Variants in RLN2 observed in about 807,000 individuals in gnomAD.
RLN2 encodes the protein relaxin 2, also known as prorelaxin H2.
In RLN2, 10 loss-of-function variants were observed where a neutral mutation model predicts 7.3. The ratio of observed to expected loss-of-function variants is 1.36; its 90% CI spans 0.84 to 2.31. RLN2 has a LOEUF of 2.31. Among genes scored for constraint, RLN2 ranks in the 30% most tolerant of loss-of-function variants. RLN2 has a pLI of 0.00. For synonymous variants in RLN2, 103 were observed against 82.3 expected, an observed-to-expected ratio of 1.25 and a Z score of -1.36; for missense variants, 298 against 217.6, an observed-to-expected ratio of 1.37 and a Z score of -2.32.
At chr9:5,321,298 C>A in the RLN2 span, among the ~76,000 whole-genome samples, 1 of 152,014 alleles carries the variant, frequency 6.6e-6, no homozygotes, top group African/African-American at 2.4e-5. Context: ...CAGGTAAGAT[C>A]AAAGAAGTGA....
the RLN2 span, among the ~76,000 whole-genome samples, chr9:5,327,438 G>A: frequency 5.3e-5 from 8 of 152,020 alleles, no homozygotes; most frequent in South Asian, 2.1e-4. Context: ...GCTCAACAAG[G>A]CCCACCAGCC....
At chr9:5,337,676 C>G in the RLN2 span, among the ~76,000 whole-genome samples, 1 of 151,976 alleles carries the variant, frequency 6.6e-6, no homozygotes. Context: ...CAAAGCGATT[C>G]CTACCTAGTA....
In RLN2 at chr9:5,300,017, TG is replaced by T. The variant is rs1285423614; in HGVS notation, c.*80del. Reference sequence around the variant, plus strand: ...GATTCTTAGATATTCTAAGAATTGATGGGACCTGATAGAAGCATCAGTGAAA... The same window carrying T: ...GATTCTTAGATATTCTAAGAATTGATGGACCTGATAGAAGCATCAGTGAAA... On this transcript the variant is annotated 3_prime_UTR_variant, in exon 2 of 2. Transcript: ENST00000381627. 4 of 819,248 alleles carry T rather than the reference TG, an allele frequency of 4.9e-6. No homozygotes were observed. The highest frequency in any genetic ancestry group is 7.7e-6 in the Non-Finnish European group (4 of 519,022). 50.7% of individuals were successfully genotyped at this position (819,248 alleles called of 1,614,324 possible).
upstream of RLN2, among the ~76,000 whole-genome samples, chr9:5,307,917 A>C (rs552757001): frequency 4.6e-5 from 7 of 151,912 alleles, 1 homozygote; most frequent in South Asian, 1.3e-3. Flanking sequence ...TTTACCACTA[A>C]TCTCTTTTCC....
At chr9:5,327,948 G>A in the RLN2 span, among the ~76,000 whole-genome samples, 1 of 151,972 alleles carries the variant, frequency 6.6e-6, no homozygotes, top group Non-Finnish European at 1.5e-5. Context: ...AAACCGCAAA[G>A]ATAGGGAGAA....
the RLN2 span, chr9:5,311,752 GA>G: frequency 1.1e-6 from 1 of 909,240 alleles, no homozygotes; most frequent in Non-Finnish European, 1.8e-6. Context: ...TACTTCTGGT[GA>G]CTGTAGAGTT....
chr9:5,326,506 G>C, the RLN2 span, among the ~76,000 whole-genome samples: 1 of 152,078 alleles, frequency 6.6e-6, no homozygotes, highest in African/African-American at 2.4e-5. Flanking sequence ...TCAGAAGCCA[G>C]AGTGTGGGAG....
chr9:5,300,386 A>C lies in RLN2; in HGVS notation c.270T>G (p.Phe90Leu), dbSNP rs1206651185. 1 of 1,613,018 alleles carries C rather than the reference A, an allele frequency of 6.2e-7. No individual in the cohort carries two copies. Among genetic ancestry groups the C allele is most frequent in the Admixed American group, 1.7e-5 (1 of 59,852 alleles). The change falls in exon 2 of 2, where the codon TTT becomes TTG. Residue 90 changes from phenylalanine to leucine, a missense_variant. Coordinates refer to ENST00000381627, the MANE Select transcript of RLN2 (RefSeq NM_134441.3). ...TCAGCTCCTGTGGCAAATTAGCAAC[A>C]AATTCTGACATCATATTTATGGTTT... ...DTETINMMSE[F>L]VANLPQELKL...
the RLN2 span, among the ~76,000 whole-genome samples, chr9:5,318,559 T>C: frequency 6.6e-6 from 1 of 152,006 alleles, no homozygotes; most frequent in Non-Finnish European, 1.5e-5. Flanking sequence ...GTAAGGTCTC[T>C]TAACATTAAT....
chr9:5,333,627 C>T, the RLN2 span, among the ~76,000 whole-genome samples: 22 of 151,880 alleles, frequency 1.4e-4, no homozygotes, highest in Non-Finnish European at 2.9e-4. Context: ...TGAAATGATT[C>T]GAAACAACTG....
the RLN2 span, among the ~76,000 whole-genome samples, chr9:5,334,577 A>G: frequency 6.6e-6 from 1 of 152,000 alleles, no homozygotes; most frequent in African/African-American, 2.4e-5. Context: ...TTTCTTCTGT[A>G]ATATATGATA....
upstream of RLN2, among the ~76,000 whole-genome samples, chr9:5,306,102 G>GGTTTTTTTTTTTTTTTTTTTTTT (rs1554618110): frequency 1.6e-5 from 2 of 123,436 alleles, no homozygotes; most frequent in African/African-American, 3.3e-5. Flanking sequence ...CTTTGTTTTT[G>GGTTTTTTTTTTTTTTTTTTTTTT]TTTTTTGTTT....
the RLN2 span, among the ~76,000 whole-genome samples, chr9:5,323,645 G>A: frequency 1.3e-5 from 2 of 151,952 alleles, no homozygotes; most frequent in African/African-American, 4.8e-5. Context: ...TTGATTTTCA[G>A]AGGTTTTAAA....
the RLN2 span, among the ~76,000 whole-genome samples, chr9:5,325,974 C>T: frequency 6.6e-6 from 1 of 152,014 alleles, no homozygotes; most frequent in Non-Finnish European, 1.5e-5. Flanking sequence ...TCAACAGACA[C>T]TTGTCTCATT....
the RLN2 span, among the ~76,000 whole-genome samples, chr9:5,324,029 A>T: frequency 6.6e-6 from 1 of 152,014 alleles, no homozygotes; most frequent in Non-Finnish European, 1.5e-5. Flanking sequence ...TCTGGGCAAC[A>T]GAGTAAGACT....
chr9:5,313,207 T>C, the RLN2 span, among the ~76,000 whole-genome samples: 2 of 152,060 alleles, frequency 1.3e-5, no homozygotes, highest in African/African-American at 4.8e-5. Flanking sequence ...TTGCACTCTA[T>C]CTCTTCTGAT....
At chr9:5,302,840 G>T (rs981661468) in intron 1 of RLN2, among the ~76,000 whole-genome samples, 2 of 127,650 alleles carry the variant, frequency 1.6e-5, no homozygotes, top group African/African-American at 6.9e-5. Context: ...AAGTATAATG[G>T]TGAGTGAAAA....
chr9:5,335,608 TAAA>T, the RLN2 span: 1 of 1,498,260 alleles, frequency 6.7e-7, no homozygotes, highest in Non-Finnish European at 9.1e-7. Flanking sequence ...CTGTTAAGTT[TAAA>T]AAAAAAGTGT....
intron 1 of RLN2, among the ~76,000 whole-genome samples, 162 bp from the exon 2 acceptor site, chr9:5,300,606 CTTACAG>C (rs1033782247): frequency 3.9e-5 from 6 of 152,184 alleles, no homozygotes; most frequent in African/African-American, 1.4e-4. Flanking sequence ...ACTTAGCTTA[CTTACAG>C]TTGGACACCT....
Sources: gnomAD v4.1 joint callset for allele counts (sites outside exome capture counted in the v4.1 genomes callset) on GRCh38, gnomAD v4.1.1 for gene constraint, MANE v1.5 for transcripts, NCBI Gene and HGNC (gene_info 2026-07-23, HGNC 2026-07-21) for gene names.